Variants in ZBTB7C observed in about 807,000 individuals in gnomAD.
ZBTB7C encodes the protein zinc finger and BTB domain containing 7C.
ZBTB7C carries 8 observed loss-of-function variants against 25.7 expected under a neutral mutation model. That is an observed-to-expected ratio of 0.31 (90% confidence interval 0.18 to 0.56). The LOEUF is 0.56. Among genes scored for constraint, ZBTB7C ranks in the 20% least tolerant of loss-of-function variants. The pLI is 0.91. For missense variants in ZBTB7C, 824 were observed against 855.2 expected (o/e 0.96, Z 0.46); for synonymous variants, 394 against 369.0 (o/e 1.07, Z -0.78).
chr18:48,160,184 A>G (rs2040960561), intron 3 of ZBTB7C, among the ~76,000 whole-genome samples: 1 of 152,178 alleles, frequency 6.6e-6, no homozygotes, highest in South Asian at 2.1e-4. Flanking sequence ...CAACTACCCT[A>G]GAGAAACATT....
intron 2 of ZBTB7C, among the ~76,000 whole-genome samples, chr18:48,224,676 C>T (rs2043045150): frequency 6.6e-6 from 1 of 152,230 alleles, no homozygotes; most frequent in South Asian, 2.1e-4. Flanking sequence ...CTACCACTTA[C>T]TAGCCATGGG....
At chr18:48,235,387 A>G (rs999512590) in intron 2 of ZBTB7C, among the ~76,000 whole-genome samples, 1 of 152,116 alleles carries the variant, frequency 6.6e-6, no homozygotes, top group Admixed American at 6.5e-5. Context: ...AATTAATACC[A>G]CTACATTTTC....
At chr18:48,244,414 C>CAAATAAAT (rs71165316) in intron 2 of ZBTB7C, among the ~76,000 whole-genome samples, 26 of 150,972 alleles carry the variant, frequency 1.7e-4, no homozygotes, top group South Asian at 6.3e-4. Flanking sequence ...GACTCCATCT[C>CAAATAAAT]AAATAAATAA....
intron 3 of ZBTB7C, among the ~76,000 whole-genome samples, chr18:48,168,705 C>T (rs2041356106): frequency 6.6e-6 from 1 of 152,132 alleles, no homozygotes; most frequent in Non-Finnish European, 1.5e-5. Context: ...TATCACCTGT[C>T]CTGGAAGACT....
At chr18:48,366,654 T>C (rs767230852) in intron 1 of ZBTB7C, among the ~76,000 whole-genome samples, 22 of 152,216 alleles carry the variant, frequency 1.4e-4, no homozygotes, top group Non-Finnish European at 2.8e-4. Context: ...ATTGTCCATC[T>C]ACAAAACAGG....
intron 3 of ZBTB7C, among the ~76,000 whole-genome samples, chr18:48,183,153 G>A (rs146263524): frequency 6.6e-6 from 1 of 152,018 alleles, no homozygotes; most frequent in Non-Finnish European, 1.5e-5. Context: ...GCTATTAATT[G>A]CTCCCTCTCC....
intron 2 of ZBTB7C, among the ~76,000 whole-genome samples, chr18:48,318,267 C>A (rs1176717458): frequency 2.0e-5 from 3 of 152,170 alleles, no homozygotes; most frequent in African/African-American, 7.2e-5. Flanking sequence ...AAACTCACTT[C>A]TGTTTTCTTC....
chr18:48,268,958 CTTTT>C (rs140699441), intron 2 of ZBTB7C, among the ~76,000 whole-genome samples: 1 of 118,994 alleles, frequency 8.4e-6, no homozygotes, highest in Non-Finnish European at 1.7e-5. Flanking sequence ...TGCTCTGTTT[CTTTT>C]TTTTTTTTTT....
chr18:48,201,045 T>G (rs920723926), intron 2 of ZBTB7C, among the ~76,000 whole-genome samples: 4 of 152,120 alleles, frequency 2.6e-5, no homozygotes, highest in African/African-American at 4.8e-5. Flanking sequence ...GCAGGTGAAC[T>G]CCACTTTCCA....
rs550630496 is a variant in ZBTB7C at position 48,303,320 on chromosome 18, A to G, written c.-79+34854T>C. On this transcript the variant is annotated intron_variant, in intron 2 of 4. Transcript: ENST00000590800. ...CCCTGAGAATCACCAAGGCTCCCCA[A>G]CCTCCCTCTGATGAGACTCAGGGGC... Among the ~76,000 whole-genome samples, 473 of 152,200 alleles carry G rather than the reference A, an allele frequency of 3.1e-3. 3 individuals carry two copies. Among genetic ancestry groups the G allele is most frequent in the African/African-American group, 0.011 (466 of 41,528 alleles).
At chr18:48,036,464 C>T (rs768041900) in intron 4 of ZBTB7C, among the ~76,000 whole-genome samples, 15 of 152,120 alleles carry the variant, frequency 9.9e-5, no homozygotes, top group Non-Finnish European at 1.9e-4. Context: ...GCCTCTCCAG[C>T]ACCCCATGGG....
chr18:48,367,347 C>CATATATATATATATATATAT lies in ZBTB7C; in HGVS notation c.-303-28969_-303-28950dup, dbSNP rs58569472. ...GTGTATATATATACATATATGTGTG[C>CATATATATATATATATATAT]ATATATATATATATATATATATATA... On this transcript the variant is annotated intron_variant, in intron 1 of 4. Coordinates refer to ENST00000590800, the MANE Select transcript of ZBTB7C (RefSeq NM_001318841.2). Among the ~76,000 whole-genome samples the CATATATATATATATATATAT allele has an allele frequency of 1.1e-3, 51 of 44,824 alleles. 1 individual carries two copies. The highest frequency in any genetic ancestry group is 3.0e-3 in the African/African-American group (51 of 17,108). The allele number at this position is 44,824 out of a possible 152,430, so 29.4% of individuals were successfully genotyped here. A position where few individuals can be genotyped will look rare whatever the true frequency, so the allele number is the denominator to read the frequency against.
At chr18:48,403,924 C>G (rs1000743541) in intron 1 of ZBTB7C, among the ~76,000 whole-genome samples, 7 of 151,570 alleles carry the variant, frequency 4.6e-5, no homozygotes, top group Non-Finnish European at 1.0e-4. Flanking sequence ...CATTGCCAAA[C>G]AAAAAATAAT....
At chr18:48,176,616 C>CGTGTGTGTGTGTGT (rs10533963) in intron 3 of ZBTB7C, among the ~76,000 whole-genome samples, 5,616 of 149,686 alleles carry the variant, frequency 0.038, 145 homozygotes, top group South Asian at 0.094. Context: ...AGGAAATACA[C>CGTGTGTGTGTGTGT]GTGTGTGTGT....
intron 3 of ZBTB7C, among the ~76,000 whole-genome samples, chr18:48,179,825 T>TCCC (rs2041835384): frequency 7.0e-5 from 3 of 43,084 alleles, no homozygotes; most frequent in Admixed American, 2.6e-4. Flanking sequence ...CCTTCCTCCC[T>TCCC]TCCCTTCAAG....
intron 3 of ZBTB7C, chr18:48,041,613 A>C (rs2036244502): frequency 1.1e-6 from 1 of 945,196 alleles, no homozygotes; most frequent in Non-Finnish European, 1.3e-6. Context: ...ACTGGCTACT[A>C]GGAAGCTTAA....
At chr18:48,144,708 G>C (rs1305333169) in intron 3 of ZBTB7C, among the ~76,000 whole-genome samples, 1 of 152,066 alleles carries the variant, frequency 6.6e-6, no homozygotes, top group African/African-American at 2.4e-5. Context: ...CTGCACCCCT[G>C]ACCTCTCACT....
At chr18:48,091,683 C>T (rs1350353298) in intron 3 of ZBTB7C, among the ~76,000 whole-genome samples, 5 of 152,160 alleles carry the variant, frequency 3.3e-5, no homozygotes, top group Admixed American at 2.0e-4. Context: ...GAGACAGCTT[C>T]GGACAGCGAG....
rs534299685 is a variant in ZBTB7C, at chr18:48,227,789, A to C, written c.-78-41794T>G. 1.1e-4 allele frequency among the ~76,000 whole-genome samples: 16 copies of C among 152,266 alleles called. No homozygotes were observed. The East Asian group carries it at 2.7e-3, about 26-fold the overall frequency. On this transcript the variant is annotated intron_variant, in intron 2 of 4. Coordinates refer to ENST00000590800, the MANE Select transcript of ZBTB7C (RefSeq NM_001318841.2). ...AACATTGGGAAATTAAGAAAAGAAAAATTATAGGCTGCCTGGAAGGTATTA... is the reference window on the plus strand; with the variant it reads ...AACATTGGGAAATTAAGAAAAGAAACATTATAGGCTGCCTGGAAGGTATTA...
Sources: gnomAD v4.1 joint callset for allele counts (sites outside exome capture counted in the v4.1 genomes callset) on GRCh38, gnomAD v4.1.1 for gene constraint, MANE v1.5 for transcripts, NCBI Gene and HGNC (gene_info 2026-07-23, HGNC 2026-07-21) for gene names.